Variants in RNGTT observed in about 807,000 individuals in gnomAD.
The protein encoded by RNGTT is RNA guanylyltransferase and 5'-phosphatase.
Under a neutral mutation model 79.3 loss-of-function variants are expected in RNGTT, and 33 were observed. The ratio of observed to expected loss-of-function variants is 0.42; its 90% CI spans 0.32 to 0.56. The LOEUF (loss-of-function observed/expected upper bound fraction) is 0.56, where lower values mean the gene tolerates loss of function less well. Among genes scored for constraint, RNGTT ranks in the 20% least tolerant of loss-of-function variants. RNGTT has a pLI of 0.17. For synonymous variants in RNGTT, 222 were observed against 235.9 expected, an observed-to-expected ratio of 0.94 and a Z score of 0.54; for missense variants, 497 against 739.1, an observed-to-expected ratio of 0.67 and a Z score of 3.80.
chr6:88,667,678 C>G (rs146911949), intron 14 of RNGTT, among the ~76,000 whole-genome samples: 4 of 152,172 alleles, frequency 2.6e-5, no homozygotes, highest in Non-Finnish European at 4.4e-5. Flanking sequence ...ACTGCCCTTA[C>G]GGATTGGCTC....
chr6:88,828,623 T>A (rs1443041623), intron 11 of RNGTT, among the ~76,000 whole-genome samples: 2 of 151,898 alleles, frequency 1.3e-5, no homozygotes, highest in Non-Finnish European at 2.9e-5. Context: ...TCTAACCCAA[T>A]GCGAATCTGA....
At chr6:88,663,624 A>T (rs1774273451) in intron 14 of RNGTT, among the ~76,000 whole-genome samples, 1 of 152,108 alleles carries the variant, frequency 6.6e-6, no homozygotes, top group Non-Finnish European at 1.5e-5. Flanking sequence ...GCCCCTCCTT[A>T]CCAAGAAGAG....
intron 4 of RNGTT, among the ~76,000 whole-genome samples, chr6:88,917,383 T>C (rs1192529529): frequency 2.0e-5 from 3 of 152,138 alleles, no homozygotes; most frequent in Non-Finnish European, 2.9e-5. Flanking sequence ...AATGTAAATA[T>C]ATTAATCAAA....
At chr6:88,834,413 T>TAATCAATA (rs1780992315) in intron 11 of RNGTT, among the ~76,000 whole-genome samples, 1 of 152,190 alleles carries the variant, frequency 6.6e-6, no homozygotes, top group Non-Finnish European at 1.5e-5. Flanking sequence ...ATGAATGACA[T>TAATCAATA]ATTAATAGAC....
chr6:88,871,027 GTAGTTTTTAC>G (rs1782336722), intron 8 of RNGTT, among the ~76,000 whole-genome samples: 3 of 152,072 alleles, frequency 2.0e-5, no homozygotes, highest in Non-Finnish European at 4.4e-5. Flanking sequence ...AATGCTGTTT[GTAGTTTTTAC>G]TACAAAAACT....
intron 14 of RNGTT, among the ~76,000 whole-genome samples, chr6:88,647,231 C>T (rs1002448367): frequency 2.6e-5 from 4 of 152,002 alleles, no homozygotes; most frequent in Non-Finnish European, 5.9e-5. Context: ...TAGTATGCTA[C>T]AGAAGCTCGA....
chr6:88,846,216 T>C (rs1781477032), intron 10 of RNGTT, among the ~76,000 whole-genome samples: 1 of 152,204 alleles, frequency 6.6e-6, no homozygotes, highest in African/African-American at 2.4e-5. Context: ...TCAATAATTA[T>C]TGACTAGCTT....
intron 14 of RNGTT, among the ~76,000 whole-genome samples, chr6:88,664,041 C>T (rs1455446691): frequency 4.6e-5 from 7 of 152,146 alleles, no homozygotes; most frequent in Non-Finnish European, 8.8e-5. Flanking sequence ...GAGGTAGCAA[C>T]TAAGTGGCTG....
intron 13 of RNGTT, among the ~76,000 whole-genome samples, chr6:88,724,216 T>C (rs563638937): frequency 3.3e-5 from 5 of 152,310 alleles, no homozygotes; most frequent in East Asian, 3.9e-4. Flanking sequence ...AGTAATGTCA[T>C]AGGCCTTCAC....
chr6:88,704,259 C>CAAAAAAAAAAAA (rs35623392), intron 13 of RNGTT, among the ~76,000 whole-genome samples: 3 of 48,732 alleles, frequency 6.2e-5, no homozygotes, highest in African/African-American at 2.0e-4. Context: ...GACTCTGTCT[C>CAAAAAAAAAAAA]AAAAAAAAAA....
intron 11 of RNGTT, among the ~76,000 whole-genome samples, chr6:88,833,847 C>A (rs1780967262): frequency 6.6e-6 from 1 of 151,976 alleles, no homozygotes; most frequent in African/African-American, 2.4e-5. Context: ...TATGGTGAAA[C>A]CCCATCTCTA....
chr6:88,826,824 GTATA>G (rs372174983), intron 11 of RNGTT, among the ~76,000 whole-genome samples: 2,338 of 129,124 alleles, frequency 0.018, 81 homozygotes, highest in African/African-American at 0.061. Context: ...ATATGTGTGT[GTATA>G]TATATATATA....
intron 13 of RNGTT, among the ~76,000 whole-genome samples, chr6:88,712,573 A>C (rs1776354556): frequency 1.3e-5 from 2 of 152,198 alleles, no homozygotes; most frequent in African/African-American, 4.8e-5. Flanking sequence ...TGGCCTCCCA[A>C]AATGCTAGGA....
intron 13 of RNGTT, among the ~76,000 whole-genome samples, chr6:88,726,448 A>C (rs1479726779): frequency 6.7e-6 from 1 of 150,044 alleles, no homozygotes; most frequent in Admixed American, 6.6e-5. Flanking sequence ...TTAAAGTATA[A>C]GGCTATTCCA....
intron 13 of RNGTT, among the ~76,000 whole-genome samples, chr6:88,757,510 TA>T (rs1778061583): frequency 6.6e-6 from 1 of 152,084 alleles, no homozygotes; most frequent in Admixed American, 6.5e-5. Context: ...GTAAAGAGAG[TA>T]AAGGAATTTA....
At position 88,611,046 on chromosome 6, in the gene RNGTT, GC is replaced by G. The variant is rs1406958421; in HGVS notation, c.*1672del. 1.3e-4 allele frequency: 20 copies of G among 152,072 alleles called. No homozygotes were observed. In the South Asian group the frequency reaches 3.9e-3, roughly 30 times the overall value. The allele number at this position is 152,072 out of a possible 1,614,324, so 9.4% of individuals were successfully genotyped here. A position where few individuals can be genotyped will look rare whatever the true frequency, so the allele number is the denominator to read the frequency against. On this transcript the variant is annotated 3_prime_UTR_variant, in exon 16 of 16. Transcript: ENST00000369485. The stretch of plus-strand genomic sequence containing the variant: ...GGCATCAGTTGTTTTAATCCCTTTA[GC>G]GCCCAAATGTGCAAAAACACTCTAG...
intron 11 of RNGTT, among the ~76,000 whole-genome samples, chr6:88,843,970 A>C (rs1045002184): frequency 6.6e-6 from 1 of 151,072 alleles, no homozygotes; most frequent in African/African-American, 2.4e-5. Flanking sequence ...ATACATACAC[A>C]TATATATAAA....
intron 13 of RNGTT, among the ~76,000 whole-genome samples, chr6:88,742,190 T>C (rs960536479): frequency 1.3e-5 from 2 of 152,138 alleles, no homozygotes; most frequent in African/African-American, 4.8e-5. Flanking sequence ...AACAATACTT[T>C]AACATGTATC....
intron 12 of RNGTT, among the ~76,000 whole-genome samples, chr6:88,795,860 G>C (rs567739841): frequency 3.9e-5 from 6 of 152,034 alleles, no homozygotes; most frequent in Non-Finnish European, 8.8e-5. Flanking sequence ...TATTGCATTT[G>C]AATAAAGAAA....
Sources: gnomAD v4.1 joint callset for allele counts (sites outside exome capture counted in the v4.1 genomes callset) on GRCh38, gnomAD v4.1.1 for gene constraint, MANE v1.5 for transcripts, NCBI Gene and HGNC (gene_info 2026-07-23, HGNC 2026-07-21) for gene names.